Variants in NSD1 observed in about 807,000 individuals in gnomAD.
NSD1 encodes histone-lysine N-methyltransferase, H3 lysine-36 specific.
A neutral mutation model predicts 242.7 loss-of-function variants in NSD1; 26 were observed. The observed-to-expected ratio is 0.11, with a 90% CI of 0.08 to 0.15. NSD1 has a LOEUF of 0.15. Ranked by LOEUF, NSD1 falls within the 10% of genes least tolerant of loss-of-function variation. The pLI, the probability that NSD1 is intolerant of heterozygous loss-of-function variation, is 1.00. For synonymous variants in NSD1, 1,106 were observed against 1,178.1 expected, an observed-to-expected ratio of 0.94 and a Z score of 1.25; for missense variants, 2,495 against 3,272.8, an observed-to-expected ratio of 0.76 and a Z score of 5.80.
chr5:177,163,643 T>A (rs2149791366), intron 2 of NSD1, among the ~76,000 whole-genome samples: 1 of 152,326 alleles, frequency 6.6e-6, no homozygotes, highest in East Asian at 1.9e-4. Context: ...TACCTGCTGC[T>A]ATCCATAATT....
chr5:177,264,508 C>T (rs1040236194), intron 14 of NSD1, among the ~76,000 whole-genome samples: 1 of 152,148 alleles, frequency 6.6e-6, no homozygotes, highest in African/African-American at 2.4e-5. Flanking sequence ...TAACATATTG[C>T]AACATAATTG....
chr5:177,297,092 A>G lies in NSD1; in HGVS notation c.*1633A>G. The G allele has an allele frequency of 4.3e-6, 1 of 233,216 alleles. No homozygotes were observed. Among genetic ancestry groups the G allele is most frequent in the Non-Finnish European group, 8.5e-6 (1 of 118,002 alleles). The allele number at this position is 233,216 out of a possible 1,614,324, so 14.4% of individuals were successfully genotyped here. A position where few individuals can be genotyped will look rare whatever the true frequency, so the allele number is the denominator to read the frequency against. On this transcript the variant is annotated 3_prime_UTR_variant, in exon 23 of 23. Coordinates refer to ENST00000439151, the MANE Select transcript of NSD1 (RefSeq NM_022455.5). ...AGCATTTGCGCTTTATCTAAAGATT[A>G]AAAATAGAATCTGCTTTTATTTCCC...
chr5:177,266,419 A>G (rs549837824), intron 14 of NSD1: 71 of 628,830 alleles, frequency 1.1e-4, no homozygotes, highest in African/African-American at 9.6e-4. Flanking sequence ...ATCCAGCACC[A>G]CCTTGTCTTT....
chr5:177,133,510 G>A (rs569669833), upstream of NSD1: 9 of 151,382 alleles, frequency 5.9e-5, no homozygotes, highest in Non-Finnish European at 1.3e-4. The surrounding 1 kb of genome is among the most constrained non-coding windows in gnomAD (Gnocchi z 6.2). Flanking sequence ...CCGGGCAGCC[G>A]GGCCGGCCCG....
chr5:177,233,537 A>ATTTTTTTTTTTTTTTTTTTTTT (rs56908682), intron 5 of NSD1, among the ~76,000 whole-genome samples: 1 of 126,430 alleles, frequency 7.9e-6, no homozygotes, highest in African/African-American at 3.1e-5. Flanking sequence ...CCTGGCTAGT[A>ATTTTTTTTTTTTTTTTTTTTTT]TTTTTTTTTT....
intron 16 of NSD1, among the ~76,000 whole-genome samples, chr5:177,270,618 G>C (rs1757870879): frequency 6.6e-6 from 1 of 152,194 alleles, no homozygotes; most frequent in Non-Finnish European, 1.5e-5. Flanking sequence ...ATGTTCCTCA[G>C]CTTATGATGG....
chr5:177,174,675 C>T (rs552699058), intron 2 of NSD1, among the ~76,000 whole-genome samples: 225 of 151,108 alleles, frequency 1.5e-3, no homozygotes, highest in African/African-American at 4.6e-3. Flanking sequence ...TCTTCTGCCT[C>T]AGCCTCCTGA....
At chr5:177,171,933 A>G (rs1323228630) in intron 2 of NSD1, among the ~76,000 whole-genome samples, 2 of 152,216 alleles carry the variant, frequency 1.3e-5, no homozygotes, top group Non-Finnish European at 2.9e-5. Flanking sequence ...TATCTGTTTG[A>G]GTCTCTGCCT....
At chr5:177,192,992 G>A (rs1247951003) in intron 3 of NSD1, among the ~76,000 whole-genome samples, 1 of 152,032 alleles carries the variant, frequency 6.6e-6, no homozygotes, top group East Asian at 1.9e-4. Flanking sequence ...AATTGTAAAT[G>A]TTTATTAATA....
intron 2 of NSD1, among the ~76,000 whole-genome samples, chr5:177,185,391 A>G (rs1274167237): frequency 2.6e-5 from 4 of 151,890 alleles, no homozygotes; most frequent in Non-Finnish European, 5.9e-5. Flanking sequence ...TGAGGTCAGG[A>G]GTTCGAGACC....
chr5:177,256,327 A>G (rs1347940713), intron 12 of NSD1, among the ~76,000 whole-genome samples: 1 of 126,628 alleles, frequency 7.9e-6, no homozygotes, highest in African/African-American at 3.1e-5. Context: ...CTTATCACCC[A>G]GGCTGGAGTG....
rs1760425971 is a variant in NSD1 at position 177,299,042 on chromosome 5, C to T, written c.*3583C>T. On this transcript the variant is annotated 3_prime_UTR_variant, in exon 23 of 23. Transcript: ENST00000439151. ...CATGTGTAGACATTCCAAGTCACTG[C>T]TTGGTAGTTGCTGTGGGAGCCTGTC... 1 of 232,968 alleles carries T rather than the reference C, an allele frequency of 4.3e-6. No homozygotes were observed. The highest frequency in any genetic ancestry group is 5.6e-5 in the Admixed American group (1 of 17,770). 14.4% of individuals were successfully genotyped at this position (232,968 alleles called of 1,614,324 possible).
rs749631943 is a variant in NSD1 at position 177,275,435 on chromosome 5, C to CTTTTTTT, written c.5622+1671_5622+1677dup. The stretch of plus-strand genomic sequence containing the variant: ...TGTGATTCCATTGTGCTTCCCTTGT[C>CTTTTTTT]TTTTTTTTTTTTTTTTTTTTTTTTT... On this transcript the variant is annotated intron_variant, in intron 17 of 22. Coordinates refer to ENST00000439151, the MANE Select transcript of NSD1 (RefSeq NM_022455.5). 3.6e-4 allele frequency among the ~76,000 whole-genome samples: 18 copies of CTTTTTTT among 50,144 alleles called. 5 individuals are homozygous for CTTTTTTT. Among genetic ancestry groups the CTTTTTTT allele is most frequent in the Non-Finnish European group, 3.7e-4 (11 of 29,738 alleles). 32.9% of individuals were successfully genotyped at this position (50,144 alleles called of 152,430 possible).
At position 177,282,600 on chromosome 5, in the gene NSD1, T is replaced by C; in HGVS notation, c.6009+19T>C. The C allele has an allele frequency of 6.9e-7, 1 of 1,452,684 alleles. No individual in the cohort carries two copies. Among genetic ancestry groups the C allele is most frequent in the Non-Finnish European group, 9.7e-7 (1 of 1,032,770 alleles). 90.0% of individuals were successfully genotyped at this position (1,452,684 alleles called of 1,614,324 possible). ...AGACAAAGTAAGTAATGGGAAATGC[T>C]GTTTTCACTGTTACAAGATTGTAAA... On this transcript the variant is annotated intron_variant, in intron 19 of 22. Transcript: ENST00000439151.
At chr5:177,186,157 G>A (rs1333838779) in intron 2 of NSD1, among the ~76,000 whole-genome samples, 2 of 133,408 alleles carry the variant, frequency 1.5e-5, no homozygotes, top group Non-Finnish European at 3.1e-5. Context: ...CCAGTGTGGT[G>A]GTGTGCGTTT....
chr5:177,214,894 G>T (rs1416507154), intron 5 of NSD1, among the ~76,000 whole-genome samples: 1 of 151,982 alleles, frequency 6.6e-6, no homozygotes, highest in Non-Finnish European at 1.5e-5. Context: ...GTAGAGACAG[G>T]GTGTCACCAT....
intron 14 of NSD1, among the ~76,000 whole-genome samples, chr5:177,261,115 G>A (rs1202242935): frequency 2.6e-5 from 4 of 151,816 alleles, no homozygotes; most frequent in South Asian, 2.1e-4. Context: ...GTACAATCTC[G>A]GCTCACTGCA....
chr5:177,182,642 A>C (rs1486925625), intron 2 of NSD1, among the ~76,000 whole-genome samples: 1 of 140,124 alleles, frequency 7.1e-6, no homozygotes. Flanking sequence ...TTTTTATTTT[A>C]TTTTTATTTT....
intron 17 of NSD1, among the ~76,000 whole-genome samples, chr5:177,276,203 T>C (rs1758368395): frequency 6.6e-6 from 1 of 152,008 alleles, no homozygotes. Flanking sequence ...AGAACTGGGA[T>C]TACAGGCGTG....
Sources: gnomAD v4.1 joint callset for allele counts (sites outside exome capture counted in the v4.1 genomes callset) on GRCh38, gnomAD v4.1.1 for gene constraint, Gnocchi (gnomAD v3.1) non-coding constraint, MANE v1.5 for transcripts, NCBI Gene and HGNC (gene_info 2026-07-23, HGNC 2026-07-21) for gene names.